The following KIF17 variants were observed in gnomAD, a reference collection of about 807,000 sequenced individuals.
KIF17 encodes kinesin family member 17, also known as kinesin-like protein KIF17.
KIF17 carries 80 observed loss-of-function variants against 96.8 expected under a neutral mutation model. The ratio of observed to expected loss-of-function variants is 0.83; its 90% CI spans 0.69 to 1.00. The LOEUF is 1.00. Among genes scored for constraint, KIF17 ranks in the 50% least tolerant of loss-of-function variants. The pLI is 0.00. For synonymous variants in KIF17, 567 were observed against 587.5 expected, an observed-to-expected ratio of 0.97 and a Z score of 0.51; for missense variants, 1,280 against 1,372.9, an observed-to-expected ratio of 0.93 and a Z score of 1.07.
chr1:20,698,270 A>G, intron 6 of KIF17, 109 bp downstream of exon 6: 1 of 765,756 alleles, frequency 1.3e-6, no homozygotes. Flanking sequence ...GACCAAACCC[A>G]CGGTGAAGGT....
chr1:20,692,691 G>C (rs551756790), intron 6 of KIF17: 2 of 151,994 alleles, frequency 1.3e-5, no homozygotes, highest in East Asian at 3.9e-4. Context: ...TGGGGTGTAG[G>C]GTTGGAAAAT....
chr1:20,701,639 AG>A (rs1329753833), intron 5 of KIF17, among the ~76,000 whole-genome samples: 2 of 151,746 alleles, frequency 1.3e-5, no homozygotes, highest in African/African-American at 4.8e-5. Flanking sequence ...AACTGAGGAG[AG>A]GTGGGTGGGG....
At chr1:20,717,366 C>G in intron 1 of KIF17, 110 bp downstream of exon 1, 1 of 1,235,720 alleles carries the variant, frequency 8.1e-7, no homozygotes, top group Non-Finnish European at 1.1e-6. Context: ...CGTCCGCCTG[C>G]GCCCCTCGAG....
At chr1:20,666,630 T>C (rs1270704717) in intron 13 of KIF17, among the ~76,000 whole-genome samples, 1 of 152,170 alleles carries the variant, frequency 6.6e-6, no homozygotes, top group African/African-American at 2.4e-5. Flanking sequence ...AAACAGGGTG[T>C]CCTGCCAGCT....
At chr1:20,712,739 T>TAGATAATATC (rs1557606736) in intron 3 of KIF17, among the ~76,000 whole-genome samples, 1 of 16,868 alleles carries the variant, frequency 5.9e-5, no homozygotes, top group Non-Finnish European at 1.7e-4. Flanking sequence ...TCTATATATA[T>TAGATAATATC]TATATATATA....
At chr1:20,683,629 T>C (rs529147528) in intron 10 of KIF17, among the ~76,000 whole-genome samples, 1 of 152,014 alleles carries the variant, frequency 6.6e-6, no homozygotes, top group Admixed American at 6.6e-5. Flanking sequence ...CACTCCAGCC[T>C]GAGCAACAGA....
intron 5 of KIF17, among the ~76,000 whole-genome samples, chr1:20,701,397 C>T (rs1293651401): frequency 6.6e-6 from 1 of 152,174 alleles, no homozygotes; most frequent in East Asian, 1.9e-4. Context: ...CGCCACTGCA[C>T]TCCAGCCTGG....
At chr1:20,716,896 G>T (rs2054587439) in intron 1 of KIF17, among the ~76,000 whole-genome samples, 1 of 152,166 alleles carries the variant, frequency 6.6e-6, no homozygotes, top group Admixed American at 6.5e-5. Flanking sequence ...GTGGGCTTGG[G>T]GTGGATCCTG....
At chr1:20,683,774 A>G (rs2053876798) in intron 10 of KIF17, among the ~76,000 whole-genome samples, 2 of 152,058 alleles carry the variant, frequency 1.3e-5, no homozygotes, top group African/African-American at 4.8e-5. Flanking sequence ...TCTGCGGTTC[A>G]CTCCAGCTTT....
chr1:20,690,352 G>GGGGGGCCCCC lies in KIF17; in HGVS notation c.1234-18_1234-17insGGGGGCCCCC. On this transcript the variant is annotated splice_polypyrimidine_tract_variant and intron_variant, in intron 6 of 14. Transcript: ENST00000400463. ...TTCATACTCCTGGGGGGGTGGGAGG[G>GGGGGGCCCCC]ACCAGAGGGCAGGCAGCATTTTATC... 6 of 451,130 alleles carry GGGGGGCCCCC rather than the reference G, an allele frequency of 1.3e-5. No homozygotes were observed. The highest frequency in any genetic ancestry group is 2.6e-5 in the Non-Finnish European group (6 of 235,124). The allele number at this position is 451,130 out of a possible 1,614,324, so 27.9% of individuals were successfully genotyped here. A position where few individuals can be genotyped will look rare whatever the true frequency, so the allele number is the denominator to read the frequency against.
At position 20,687,583 on chromosome 1, in the gene KIF17, G is replaced by A. The variant is rs750824605; in HGVS notation, c.1743C>T (p.Leu581=). ...SRSRYFLDEC[L]GQEAAGHLLG... The stretch of plus-strand genomic sequence containing the variant: ...GCAGGTGCCCAGCGGCCTCCTGCCC[G>A]AGGCACTCATCCAGGAAGTATCTGC... The change falls in exon 8 of 15, where the codon CTC becomes CTT. Residue 581 remains leucine, a synonymous_variant. Transcript: ENST00000400463. The surrounding 1 kb of genome is among the most constrained non-coding windows in gnomAD (Gnocchi z 4.4). 42 of 1,613,914 alleles carry A rather than the reference G, an allele frequency of 2.6e-5. No individual in the cohort carries two copies. The highest frequency in any genetic ancestry group is 5.0e-5 in the Admixed American group (3 of 59,994).
rs753167464 is a variant in KIF17 at position 20,670,437 on chromosome 1, T to A, written c.2774A>T (p.Asn925Ile). Residue 925 changes from asparagine (N) to isoleucine (I), a missense_variant, in exon 13 of 15, where the codon AAT (asparagine) becomes ATT (isoleucine). Coordinates refer to ENST00000400463, the MANE Select transcript of KIF17 (RefSeq NM_001122819.3). The stretch of plus-strand genomic sequence containing the variant: ...GGTCCTCACCATGTTCGGCTCGCCA[T>A]TGTCTGCTGCAGAGGTTTTGCGGGC... ...KPARKTSAADNGEPNMEDDRY... is the reference protein window; with the variant it reads ...KPARKTSAADIGEPNMEDDRY... The A allele has an allele frequency of 1.2e-6, 2 of 1,613,974 alleles. No individual in the cohort carries two copies. Among genetic ancestry groups the A allele is most frequent in the Non-Finnish European group, 1.7e-6 (2 of 1,179,994 alleles).
chr1:20,676,335 G>A (rs2053736656), intron 11 of KIF17, among the ~76,000 whole-genome samples: 1 of 151,820 alleles, frequency 6.6e-6, no homozygotes, highest in South Asian at 2.1e-4. Flanking sequence ...AAGACAAACT[G>A]GAAAAAAATT....
chr1:20,666,237 C>CA lies in KIF17; in HGVS notation c.2884_2885insT (p.Ser962MetfsTer34). 2 of 1,614,028 alleles carry CA rather than the reference C, an allele frequency of 1.2e-6. No individual in the cohort carries two copies. The highest frequency in any genetic ancestry group is 1.7e-6 in the Non-Finnish European group (2 of 1,179,852). On this transcript the variant is annotated frameshift_variant, in exon 14 of 15. Coordinates refer to ENST00000400463, the MANE Select transcript of KIF17 (RefSeq NM_001122819.3). LOFTEE classifies it high-confidence loss of function. ...ACTGAGGCTCTTCCTGGCGTCTGTGCTGAGGATCTGGCTGGCCCGCTTAGA... is the reference window on the plus strand; with the variant it reads ...ACTGAGGCTCTTCCTGGCGTCTGTGCATGAGGATCTGGCTGGCCCGCTTAGA...
rs1392317420 is a variant in KIF17 at position 20,717,884 on chromosome 1, C to T, written c.-178G>A. 5 of 343,840 alleles carry T rather than the reference C, an allele frequency of 1.5e-5. No homozygotes were observed. The highest frequency in any genetic ancestry group is 2.2e-5 in the Non-Finnish European group (5 of 224,398). The allele number at this position is 343,840 out of a possible 1,614,324, so 21.3% of individuals were successfully genotyped here. ...GGGGGCGCCCCGGAGGGGAGCTGGGCGTCGCAGGACCCGAGCCGGGGCCGC... is the reference window on the plus strand; with the variant it reads ...GGGGGCGCCCCGGAGGGGAGCTGGGTGTCGCAGGACCCGAGCCGGGGCCGC... On this transcript the variant is annotated 5_prime_UTR_variant, in exon 1 of 15. Transcript: ENST00000400463.
Position 20,704,621 on chromosome 1 carries a change from T to G in KIF17, c.949A>C (p.Asn317His), listed in dbSNP as rs773566005. The change falls in exon 5 of 15, where the codon AAC becomes CAC. Residue 317 changes from asparagine to histidine, a missense_variant. Coordinates refer to ENST00000400463, the MANE Select transcript of KIF17 (RefSeq NM_001122819.3). This position sits in a 1 kb window ranked among gnomAD's most constrained non-coding sequence, Gnocchi z 6.8. ...LMVACLSPADNNYDETLSTLR... is the reference protein window; with the variant it reads ...LMVACLSPADHNYDETLSTLR... ...GTGCTGAGTGTCTCATCGTAGTTGT[T>G]GTCCGCAGGCGACAGGCAGGCCACC... 6.2e-7 allele frequency: 1 copy of G among 1,614,164 alleles called. No individual in the cohort carries two copies. The highest frequency in any genetic ancestry group is 1.7e-5 in the Admixed American group (1 of 60,026).
rs1395559040 is a variant in KIF17, at chr1:20,685,074, C to T, written c.2020-54G>A. On this transcript the variant is annotated intron_variant, in intron 9 of 14. Coordinates refer to ENST00000400463, the MANE Select transcript of KIF17 (RefSeq NM_001122819.3). This position sits in a 1 kb window ranked among gnomAD's most constrained non-coding sequence, Gnocchi z 4.1. ...GTGGGAAGGCCGCCCCAACCCCCGC[C>T]GACAGCTCCCAGGTGGCTCAATCCC... 7.0e-6 allele frequency: 10 copies of T among 1,436,214 alleles called. No individual in the cohort carries two copies. The highest frequency in any genetic ancestry group is 2.8e-5 in the African/African-American group (2 of 70,554). 89.0% of individuals were successfully genotyped at this position (1,436,214 alleles called of 1,614,324 possible). A position where few individuals can be genotyped will look rare whatever the true frequency, so the allele number is the denominator to read the frequency against.
chr1:20,693,454 T>TG (rs1483717110), intron 6 of KIF17: 1 of 150,548 alleles, frequency 6.6e-6, no homozygotes, highest in Non-Finnish European at 1.5e-5. Context: ...TTGGTAAAGA[T>TG]GGGGGTCTCG....
chr1:20,686,982 TCCCACA>T (rs2053948836), intron 8 of KIF17, among the ~76,000 whole-genome samples: 2 of 151,964 alleles, frequency 1.3e-5, no homozygotes, highest in Admixed American at 1.3e-4. Flanking sequence ...GTGGCTGGAT[TCCCACA>T]GACCCCCCAC....
Sources: gnomAD v4.1 joint callset for allele counts (sites outside exome capture counted in the v4.1 genomes callset) on GRCh38, gnomAD v4.1.1 for gene constraint, Gnocchi (gnomAD v3.1) non-coding constraint, MANE v1.5 for transcripts, NCBI Gene and HGNC (gene_info 2026-07-23, HGNC 2026-07-21) for gene names.